Variants in NCAPD3 observed in about 807,000 individuals in gnomAD.
NCAPD3 encodes the protein non-SMC condensin II complex subunit D3.
A neutral mutation model predicts 182.9 loss-of-function variants in NCAPD3; 105 were observed. The observed-to-expected ratio is 0.57, with a 90% CI of 0.49 to 0.68. The LOEUF is 0.68. Ranked by LOEUF, NCAPD3 falls within the 30% of genes least tolerant of loss-of-function variation. The pLI, the probability that NCAPD3 is intolerant of heterozygous loss-of-function variation, is 0.00. For synonymous variants in NCAPD3, 815 were observed against 679.9 expected, an observed-to-expected ratio of 1.20 and a Z score of -3.09; for missense variants, 1,944 against 1,837.0, an observed-to-expected ratio of 1.06 and a Z score of -1.07.
chr11:134,218,644 C>CT (rs984589425), intron 2 of NCAPD3, among the ~76,000 whole-genome samples: 1 of 152,142 alleles, frequency 6.6e-6, no homozygotes, highest in African/African-American at 2.4e-5. Flanking sequence ...TTCTAATTCC[C>CT]TATGCCCAGT....
chr11:134,168,231 G>A, intron 26 of NCAPD3, 36 bp from the exon 27 acceptor site: 3 of 1,587,684 alleles, frequency 1.9e-6, no homozygotes, highest in Non-Finnish European at 2.6e-6. Flanking sequence ...GTGAGCTTCT[G>A]AGAAATGCTC....
In NCAPD3 at chr11:134,158,391, A is replaced by G. The variant is rs773132609; in HGVS notation, c.3972T>C (p.His1324=). 6.2e-7 allele frequency: 1 copy of G among 1,614,228 alleles called. No homozygotes were observed. The highest frequency in any genetic ancestry group is 8.5e-7 in the Non-Finnish European group (1 of 1,180,044). ...CAGGTGTAGGAGATGATACTGCTAC[A>G]TGGCCAGCACTTGCCCTGGGTGTGC... The part of the protein sequence containing the change: ...QPCTPRASAG[H]VAVSSPTPET... The change falls in exon 30 of 35, where the codon CAT becomes CAC. Residue 1324 remains histidine, a synonymous_variant. Transcript: ENST00000534548.
chr11:134,150,504 C>G lies in NCAPD3; in HGVS notation c.*2440G>C, dbSNP rs1943187473. 1 of 152,254 alleles carries G rather than the reference C, an allele frequency of 6.6e-6. No individual in the cohort carries two copies. Among genetic ancestry groups the G allele is most frequent in the African/African-American group, 2.4e-5 (1 of 41,474 alleles). 9.4% of individuals were successfully genotyped at this position (152,254 alleles called of 1,614,324 possible). A position where few individuals can be genotyped will look rare whatever the true frequency, so the allele number is the denominator to read the frequency against. On this transcript the variant is annotated 3_prime_UTR_variant, in exon 35 of 35. Coordinates refer to ENST00000534548, the MANE Select transcript of NCAPD3 (RefSeq NM_015261.3). ...CCCAGTGAGCTTTACTCACGTGGCC[C>G]TTGCTTCATCCAGCACAGCTCTCAG... is the stretch of plus-strand genomic sequence containing the variant.
intron 27 of NCAPD3, among the ~76,000 whole-genome samples, chr11:134,166,238 CACTT>C (rs1462537371): frequency 9.6e-4 from 7 of 7,298 alleles, no homozygotes; most frequent in Non-Finnish European, 2.4e-3. Context: ...GCAGCACACT[CACTT>C]GTGAGATGAG....
chr11:134,174,382 CAAAAAAA>C lies in NCAPD3; in HGVS notation c.3101+1918_3101+1924del, dbSNP rs34533048. 6.2e-4 allele frequency among the ~76,000 whole-genome samples: 33 copies of C among 53,620 alleles called. 1 individual carries two copies. Among genetic ancestry groups the C allele is most frequent in the African/African-American group, 2.2e-3 (27 of 12,084 alleles). 35.2% of individuals were successfully genotyped at this position (53,620 alleles called of 152,430 possible). A position where few individuals can be genotyped will look rare whatever the true frequency, so the allele number is the denominator to read the frequency against. ...TGAGCAACAGAATGAGACCCTGTCT[CAAAAAAA>C]AAAAAAAAAAAAAAAAAGCAAACAA... is the stretch of plus-strand genomic sequence containing the variant. On this transcript the variant is annotated intron_variant, in intron 24 of 34. Transcript: ENST00000534548.
chr11:134,176,360 G>T lies in NCAPD3; in HGVS notation c.3048C>A (p.Ser1016=). The T allele has an allele frequency of 6.2e-7, 1 of 1,614,020 alleles. No homozygotes were observed. Among genetic ancestry groups the T allele is most frequent in the Non-Finnish European group, 8.5e-7 (1 of 1,179,942 alleles). The change falls in exon 24 of 35, where the codon TCC becomes TCA. Residue 1016 remains serine, a synonymous_variant. Transcript: ENST00000534548. ...LQEEFVKWKG[S]LFFRFVSTLI... is the part of the protein sequence containing the mutation. The stretch of plus-strand genomic sequence containing the variant: ...GAGTGCTGACAAATCGGAAGAACAG[G>T]GAGCCCTTCCATTTCACAAATTCCT...
At chr11:134,224,287 C>T (rs530962608), upstream of NCAPD3, 195 of 350,458 alleles carry the variant, frequency 5.6e-4, 2 homozygotes, top group South Asian at 6.8e-3. Flanking sequence ...TAACTGTCAC[C>T]TTTGCCCTCG....
intron 23 of NCAPD3, among the ~76,000 whole-genome samples, chr11:134,176,906 A>G (rs1944182464): frequency 6.6e-6 from 1 of 152,256 alleles, no homozygotes; most frequent in Admixed American, 6.5e-5. Flanking sequence ...TCCAAGTTAA[A>G]AAAGAATAAC....
chr11:134,165,714 C>CA (rs1323023817), intron 27 of NCAPD3, among the ~76,000 whole-genome samples: 10 of 117,122 alleles, frequency 8.5e-5, no homozygotes, highest in Admixed American at 1.7e-4. Context: ...GGCGCACACT[C>CA]GTGAGATGAG....
chr11:134,183,343 C>A (rs920668967), intron 19 of NCAPD3, among the ~76,000 whole-genome samples: 1 of 152,058 alleles, frequency 6.6e-6, no homozygotes, highest in Non-Finnish European at 1.5e-5. Flanking sequence ...CTGAAGCAGG[C>A]GATCACTTGA....
At chr11:134,220,779 T>C in intron 1 of NCAPD3, 53 bp from the exon 2 acceptor site, 1 of 1,533,512 alleles carries the variant, frequency 6.5e-7, no homozygotes, top group Middle Eastern at 1.7e-4. Flanking sequence ...GTAAAAAAAC[T>C]AGTCACCTTT....
intron 8 of NCAPD3, among the ~76,000 whole-genome samples, chr11:134,205,398 T>G (rs7946486): frequency 0.7 from 105,258 of 150,510 alleles, 38,264 homozygotes; most frequent in African/African-American, 0.91. Flanking sequence ...TTTTTTTTTG[T>G]AGATGGAGTT....
At chr11:134,212,489 G>C (rs1320620903) in intron 3 of NCAPD3, among the ~76,000 whole-genome samples, 1 of 151,340 alleles carries the variant, frequency 6.6e-6, no homozygotes, top group Non-Finnish European at 1.5e-5. Context: ...CTACCTCCTG[G>C]GTTCAAGTGG....
At chr11:134,155,061 C>A (rs759485867) in intron 32 of NCAPD3, among the ~76,000 whole-genome samples, 1 of 152,164 alleles carries the variant, frequency 6.6e-6, no homozygotes, top group Non-Finnish European at 1.5e-5. Flanking sequence ...GGGGCTCTGA[C>A]GTCCCCCATG....
At chr11:134,165,522 C>A (rs888256525) in intron 27 of NCAPD3, among the ~76,000 whole-genome samples, 1 of 146,498 alleles carries the variant, frequency 6.8e-6, no homozygotes. Context: ...GCAGCACACT[C>A]ACTTGTGAGA....
chr11:134,200,929 T>C (rs1032088222), intron 13 of NCAPD3, among the ~76,000 whole-genome samples: 1 of 151,918 alleles, frequency 6.6e-6, no homozygotes, highest in Non-Finnish European at 1.5e-5. Flanking sequence ...TGCTATAACA[T>C]GAATGAGCCT....
intron 20 of NCAPD3, 143 bp downstream of exon 20, chr11:134,180,934 C>T: frequency 1.7e-6 from 1 of 598,042 alleles, no homozygotes; most frequent in Non-Finnish European, 2.9e-6. Flanking sequence ...TTAAAAATAT[C>T]TTCTAAAAAG....
rs1258411280 is a variant in NCAPD3, at chr11:134,167,980, G to A, written c.3573+16C>T. 4.3e-6 allele frequency: 7 copies of A among 1,611,718 alleles called. No individual in the cohort carries two copies. The highest frequency in any genetic ancestry group is 2.7e-5 in the African/African-American group (2 of 74,758). ...TCACTTGTGAGAAGATGATCTTAGG[G>A]GAGCAACACACTCACTTGTGAGATG... On this transcript the variant is annotated intron_variant, in intron 27 of 34. Coordinates refer to ENST00000534548, the MANE Select transcript of NCAPD3 (RefSeq NM_015261.3).
chr11:134,186,240 A>G (rs2135987763), intron 16 of NCAPD3: 1 of 152,366 alleles, frequency 6.6e-6, no homozygotes, highest in East Asian at 1.9e-4. Flanking sequence ...TCTGTCACCC[A>G]GGCTGGATCA....
Sources: allele counts gnomAD v4.1 joint callset (sites outside exome capture counted in the v4.1 genomes callset), GRCh38; gene constraint gnomAD v4.1.1; transcripts MANE v1.5; gene names NCBI Gene and HGNC (gene_info 2026-07-23, HGNC 2026-07-21).